The following PCDH15 variants were observed in gnomAD, a reference collection of about 807,000 sequenced individuals.
PCDH15 encodes the protein protocadherin related 15.
PCDH15 carries 129 observed loss-of-function variants against 178.5 expected under a neutral mutation model. That is an observed-to-expected ratio of 0.72 (90% CI 0.63 to 0.84). The LOEUF is 0.84. Among genes scored for constraint, PCDH15 ranks in the 40% least tolerant of loss-of-function variants. PCDH15 has a pLI of 0.00. For missense variants in PCDH15, 2,230 were observed against 2,099.9 expected, an observed-to-expected ratio of 1.06 and a Z score of -1.21; for synonymous variants, 800 against 732.0, an observed-to-expected ratio of 1.09 and a Z score of -1.50.
At chr10:53,837,542 A>C (rs1033201581) in intron 29 of PCDH15, among the ~76,000 whole-genome samples, 8 of 152,136 alleles carry the variant, frequency 5.3e-5, no homozygotes, top group African/African-American at 1.7e-4. Flanking sequence ...TATTATGATG[A>C]TTTCTAATCC....
At chr10:55,117,190 G>A (rs1018583972) in intron 2 of PCDH15, among the ~76,000 whole-genome samples, 2 of 152,122 alleles carry the variant, frequency 1.3e-5, no homozygotes, top group African/African-American at 4.8e-5. Flanking sequence ...AGAACCTAGC[G>A]ATGGGTGAAG....
At chr10:54,942,594 C>T (rs1838092529) in intron 2 of PCDH15, among the ~76,000 whole-genome samples, 1 of 151,868 alleles carries the variant, frequency 6.6e-6, no homozygotes, top group Non-Finnish European at 1.5e-5. Context: ...ATTTTTCATA[C>T]CTGGAATGAC....
At chr10:54,913,069 G>A (rs527714136) in intron 2 of PCDH15, among the ~76,000 whole-genome samples, 23 of 152,234 alleles carry the variant, frequency 1.5e-4, no homozygotes, top group African/African-American at 3.9e-4. Context: ...AAAATTTACC[G>A]CCTAGCCATG....
At chr10:55,358,492 G>T (rs1436376484) in intron 2 of PCDH15, among the ~76,000 whole-genome samples, 1 of 151,930 alleles carries the variant, frequency 6.6e-6, no homozygotes, top group East Asian at 1.9e-4. Context: ...ACAATACTTA[G>T]TTATATGTAA....
intron 2 of PCDH15, among the ~76,000 whole-genome samples, chr10:55,620,215 T>A (rs781691386): frequency 6.6e-6 from 1 of 152,054 alleles, no homozygotes; most frequent in Non-Finnish European, 1.5e-5. Flanking sequence ...AAATACCAAT[T>A]GAAAAACATT....
intron 1 of PCDH15, among the ~76,000 whole-genome samples, chr10:54,751,993 A>G (rs10740596): frequency 0.5 from 76,254 of 151,990 alleles, 19,703 homozygotes; most frequent in Middle Eastern, 0.68. Flanking sequence ...TTAATAAAAT[A>G]TTAGGAAAAG....
intron 21 of PCDH15, among the ~76,000 whole-genome samples, chr10:53,980,232 AG>A (rs1404579803): frequency 2.6e-5 from 4 of 151,576 alleles, no homozygotes; most frequent in Non-Finnish European, 5.9e-5. Flanking sequence ...AAAAAAAAAA[AG>A]AAAAAAACTT....
At chr10:55,340,750 A>C (rs556981684) in intron 2 of PCDH15, among the ~76,000 whole-genome samples, 2 of 152,204 alleles carry the variant, frequency 1.3e-5, no homozygotes, top group South Asian at 4.1e-4. Context: ...GAAGTATGAT[A>C]ATGAATCTAT....
chr10:55,334,221 C>CATATATATATATAT (rs34468887), intron 2 of PCDH15, among the ~76,000 whole-genome samples: 142 of 62,684 alleles, frequency 2.3e-3, no homozygotes, highest in Middle Eastern at 9.1e-3. Flanking sequence ...TAGGGTGCTC[C>CATATATATATATAT]ATATATATAT....
At chr10:53,876,847 C>T (rs1016694623) in intron 26 of PCDH15, among the ~76,000 whole-genome samples, 3 of 152,038 alleles carry the variant, frequency 2.0e-5, no homozygotes. Context: ...GTAGAAACAG[C>T]AATGTAATAA....
At chr10:54,831,886 CAG>C (rs1490316811) in intron 3 of PCDH15, among the ~76,000 whole-genome samples, 2 of 151,952 alleles carry the variant, frequency 1.3e-5, no homozygotes, top group African/African-American at 4.8e-5. Context: ...AAATTTAAGA[CAG>C]ACACGTTAAC....
intron 15 of PCDH15, among the ~76,000 whole-genome samples, chr10:54,094,851 T>C (rs1325764975): frequency 1.3e-5 from 2 of 152,194 alleles, no homozygotes; most frequent in East Asian, 3.8e-4. Context: ...ACTTGCAGCA[T>C]CTGACTTAGA....
At chr10:54,796,065 A>G (rs1951923136) in intron 1 of PCDH15, among the ~76,000 whole-genome samples, 1 of 151,806 alleles carries the variant, frequency 6.6e-6, no homozygotes, top group Non-Finnish European at 1.5e-5. Context: ...TTAAAGCTCA[A>G]TTCCATCTGG....
At chr10:53,881,636 A>G (rs548596918) in intron 26 of PCDH15, among the ~76,000 whole-genome samples, 1 of 152,196 alleles carries the variant, frequency 6.6e-6, no homozygotes, top group East Asian at 1.9e-4. Flanking sequence ...AATCATTGAA[A>G]AAAACCAAGC....
At chr10:54,443,219 A>T (rs1161289584) in intron 3 of PCDH15, among the ~76,000 whole-genome samples, 1 of 151,606 alleles carries the variant, frequency 6.6e-6, no homozygotes, top group Non-Finnish European at 1.5e-5. Context: ...TAATCATGAG[A>T]TAAGTCTCCT....
intron 3 of PCDH15, among the ~76,000 whole-genome samples, chr10:54,451,853 A>G (rs1393784206): frequency 1.3e-5 from 2 of 151,962 alleles, no homozygotes; most frequent in African/African-American, 2.4e-5. Flanking sequence ...TTTTGTAAGT[A>G]CAGAGCAAGT....
chr10:55,394,728 A>G (rs550540378), intron 2 of PCDH15, among the ~76,000 whole-genome samples: 1 of 152,152 alleles, frequency 6.6e-6, no homozygotes, highest in Non-Finnish European at 1.5e-5. Flanking sequence ...TAAGTGTAAT[A>G]TAATTAAAGA....
chr10:54,781,838 C>A (rs987837963), intron 1 of PCDH15, among the ~76,000 whole-genome samples: 2 of 152,082 alleles, frequency 1.3e-5, no homozygotes, highest in African/African-American at 4.8e-5. Context: ...AATAGGAAGA[C>A]ATATTTCAAA....
chr10:53,822,481 G>T, intron 32 of PCDH15: 1 of 1,609,670 alleles, frequency 6.2e-7, no homozygotes, highest in Non-Finnish European at 8.5e-7. Context: ...GGAGGAGGAG[G>T]GGGAAGGGGA....
Sources: allele counts gnomAD v4.1 joint callset (sites outside exome capture counted in the v4.1 genomes callset), GRCh38; gene constraint gnomAD v4.1.1; transcripts MANE v1.5; gene names NCBI Gene and HGNC (gene_info 2026-07-23, HGNC 2026-07-21).